Variants in STRN3 observed in about 807,000 individuals in gnomAD.
STRN3 encodes the protein striatin 3.
STRN3 carries 29 observed loss-of-function variants against 95.6 expected under a neutral mutation model. That is an observed-to-expected ratio of 0.30 (90% confidence interval 0.23 to 0.41). The LOEUF is 0.41. Among genes scored for constraint, STRN3 ranks in the 10% least tolerant of loss-of-function variants. The pLI is 1.00. For missense variants in STRN3, 890 were observed against 972.1 expected (o/e 0.92, Z 1.12); for synonymous variants, 331 against 357.6 (o/e 0.93, Z 0.84).
rs940835981 is a variant in STRN3, at chr14:31,025,722, CG to C, written c.282+181del. On this transcript the variant is annotated intron_variant, in intron 1 of 17. Transcript: ENST00000357479. ...GTGAAGGTTGGGGAGCAAGCTTATG[CG>C]GGAAAGAGGGAGGGGGACTCCAGGA... 5.9e-6 allele frequency: 5 copies of C among 852,706 alleles called. No homozygotes were observed. The African/African-American group carries it at 7.0e-5, about 12-fold the overall frequency. The allele number at this position is 852,706 out of a possible 1,614,324, so 52.8% of individuals were successfully genotyped here.
At chr14:30,969,976 C>G (rs1880742913) in intron 1 of STRN3, among the ~76,000 whole-genome samples, 1 of 152,134 alleles carries the variant, frequency 6.6e-6, no homozygotes, top group Non-Finnish European at 1.5e-5. Flanking sequence ...TCACCCACAC[C>G]TAAGTCAAAG....
chr14:30,914,415 C>T (rs923104003), intron 9 of STRN3, among the ~76,000 whole-genome samples: 6 of 151,940 alleles, frequency 3.9e-5, no homozygotes, highest in Non-Finnish European at 7.4e-5. Context: ...TGCAGTGGTG[C>T]GATCTCGGTT....
chr14:30,961,471 T>C (rs932657815), intron 1 of STRN3, among the ~76,000 whole-genome samples: 1 of 152,192 alleles, frequency 6.6e-6, no homozygotes, highest in Non-Finnish European at 1.5e-5. Context: ...CTAGAAGTCG[T>C]AGCTATTGTA....
At chr14:31,014,499 C>T (rs1322355024) in intron 1 of STRN3, 12 of 341,630 alleles carry the variant, frequency 3.5e-5, no homozygotes, top group African/African-American at 6.9e-5. Context: ...GGATTACAGG[C>T]GTGAGCCACT....
chr14:30,911,262 C>CTGTT, intron 12 of STRN3, 100 bp from the exon 13 acceptor site: 1 of 1,230,668 alleles, frequency 8.1e-7, no homozygotes, highest in South Asian at 1.6e-5. Context: ...TATCTAAAAA[C>CTGTT]TGTTTTAAGA....
intron 1 of STRN3, among the ~76,000 whole-genome samples, chr14:31,017,653 G>T (rs1409750077): frequency 1.3e-5 from 2 of 152,182 alleles, no homozygotes; most frequent in East Asian, 3.8e-4. Flanking sequence ...CCATGGGAAG[G>T]TATATGAATG....
intron 1 of STRN3, among the ~76,000 whole-genome samples, chr14:30,960,380 T>C (rs1161382584): frequency 1.3e-5 from 2 of 151,936 alleles, no homozygotes; most frequent in Non-Finnish European, 2.9e-5. Flanking sequence ...AACAATAAGA[T>C]ATAACACTGC....
Position 31,010,852 on chromosome 14 carries a change from G to A in STRN3, c.282+15052C>T, listed in dbSNP as rs980119870. ...TCAGGAGTTCGAGACCAGCCTAGCC[G>A]ACATGGCGAAACCTTGTCTTTCCTA... is the stretch of plus-strand genomic sequence containing the variant. On this transcript the variant is annotated intron_variant, in intron 1 of 17. Coordinates refer to ENST00000357479, the MANE Select transcript of STRN3 (RefSeq NM_001083893.2). Among the ~76,000 whole-genome samples, 3 of 151,864 alleles carry A rather than the reference G, an allele frequency of 2.0e-5. No homozygotes were observed. In the South Asian group the frequency reaches 6.2e-4, roughly 32 times the overall value.
At chr14:30,950,613 T>C (rs1167213383) in intron 4 of STRN3, among the ~76,000 whole-genome samples, 1 of 152,206 alleles carries the variant, frequency 6.6e-6, no homozygotes, top group Non-Finnish European at 1.5e-5. Flanking sequence ...ATGAATTTTA[T>C]ATTGTTTTTG....
intron 1 of STRN3, among the ~76,000 whole-genome samples, chr14:30,997,331 T>G (rs1475908471): frequency 6.6e-6 from 1 of 152,096 alleles, no homozygotes; most frequent in Non-Finnish European, 1.5e-5. Context: ...AACCTGCCTT[T>G]AATATACAAA....
At chr14:30,919,691 TC>T (rs1355878862) in intron 8 of STRN3, among the ~76,000 whole-genome samples, 3 of 152,138 alleles carry the variant, frequency 2.0e-5, no homozygotes, top group Non-Finnish European at 4.4e-5. Flanking sequence ...TTTTCATTTT[TC>T]CCAAATTTGA....
chr14:31,026,337 C>T lies in STRN3; in HGVS notation c.-152G>A. 1.3e-6 allele frequency: 1 copy of T among 747,234 alleles called. No homozygotes were observed. The highest frequency in any genetic ancestry group is 1.9e-6 in the Non-Finnish European group (1 of 526,500). The allele number at this position is 747,234 out of a possible 1,614,324, so 46.3% of individuals were successfully genotyped here. A position where few individuals can be genotyped will look rare whatever the true frequency, so the allele number is the denominator to read the frequency against. On this transcript the variant is annotated 5_prime_UTR_variant, in exon 1 of 18. Coordinates refer to ENST00000357479, the MANE Select transcript of STRN3 (RefSeq NM_001083893.2). ...GCTGTGTGCCTGCCGTGGGTCAGAGCAGGGAGCTGCCGGCTGCCGCCATTA... is the reference window on the plus strand; with the variant it reads ...GCTGTGTGCCTGCCGTGGGTCAGAGTAGGGAGCTGCCGGCTGCCGCCATTA...
intron 8 of STRN3, 50 bp from the exon 9 acceptor site, chr14:30,919,156 CT>C: frequency 6.1e-6 from 9 of 1,470,868 alleles, no homozygotes; most frequent in African/African-American, 1.4e-5. Flanking sequence ...TACCGCTTGA[CT>C]TTCCGGCAGC....
intron 1 of STRN3, among the ~76,000 whole-genome samples, chr14:31,005,274 G>A (rs1208406992): frequency 6.6e-6 from 1 of 152,190 alleles, no homozygotes; most frequent in Non-Finnish European, 1.5e-5. Flanking sequence ...GGAAGTTGTA[G>A]TGAGCCGAGA....
chr14:30,966,703 C>G (rs553744378), intron 1 of STRN3, among the ~76,000 whole-genome samples: 3 of 152,256 alleles, frequency 2.0e-5, no homozygotes, highest in Admixed American at 2.0e-4. Context: ...CGTGAATGAT[C>G]ATCAACAACC....
intron 1 of STRN3, among the ~76,000 whole-genome samples, chr14:30,995,871 A>G (rs972628620): frequency 1.5e-4 from 23 of 152,324 alleles, no homozygotes; most frequent in African/African-American, 5.5e-4. Context: ...AGCTGCTGAG[A>G]ATGCTGGAAA....
intron 8 of STRN3, among the ~76,000 whole-genome samples, chr14:30,925,147 TAGTA>T (rs1241717270): frequency 6.7e-6 from 1 of 150,190 alleles, no homozygotes; most frequent in African/African-American, 2.5e-5. Context: ...ATATCTCACT[TAGTA>T]AGAAAGAAAT....
At chr14:30,916,275 T>A (rs1896736028) in intron 9 of STRN3, among the ~76,000 whole-genome samples, 2 of 145,708 alleles carry the variant, frequency 1.4e-5, no homozygotes. Flanking sequence ...AAACAAGTAG[T>A]TTTTTTGGTT....
chr14:30,977,096 G>A (rs1474281793), intron 1 of STRN3, among the ~76,000 whole-genome samples: 5 of 151,862 alleles, frequency 3.3e-5, no homozygotes, highest in African/African-American at 1.2e-4. Context: ...TATGGTGGTG[G>A]GTGGCTGTAA....
Sources: allele counts gnomAD v4.1 joint callset (sites outside exome capture counted in the v4.1 genomes callset), GRCh38; gene constraint gnomAD v4.1.1; transcripts MANE v1.5; gene names NCBI Gene and HGNC (gene_info 2026-07-23, HGNC 2026-07-21).